The following TXNRD1 variants were observed in gnomAD, a reference collection of about 807,000 sequenced individuals.
TXNRD1 encodes the protein thioredoxin reductase 1.
Under a neutral mutation model 80.3 loss-of-function variants are expected in TXNRD1, and 57 were observed. That is an observed-to-expected ratio of 0.71 (90% confidence interval 0.57 to 0.89). TXNRD1 has a LOEUF of 0.89. TXNRD1 is among the 40% of genes least tolerant of loss of function. The probability of loss-of-function intolerance (pLI) is 0.00; values close to 1 mark genes in which losing one functional copy is unlikely to be tolerated. For synonymous variants in TXNRD1, 291 were observed against 285.2 expected, an observed-to-expected ratio of 1.02 and a Z score of -0.20; for missense variants, 730 against 803.0, an observed-to-expected ratio of 0.91 and a Z score of 1.10.
chr12:104,246,601 C>T (rs144511384), intron 1 of TXNRD1, among the ~76,000 whole-genome samples: 5,210 of 149,060 alleles, frequency 0.035, 164 homozygotes, highest in East Asian at 0.17. Flanking sequence ...CGGTTCACTG[C>T]AACCTCTGCC....
chr12:104,305,914 T>G (rs2034893981), intron 4 of TXNRD1, among the ~76,000 whole-genome samples: 2 of 152,174 alleles, frequency 1.3e-5, no homozygotes, highest in South Asian at 4.1e-4. Context: ...TATCTTTTTT[T>G]TTCCCCCTCG....
intron 1 of TXNRD1, among the ~76,000 whole-genome samples, chr12:104,234,639 A>G (rs796951157): frequency 0.016 from 36 of 2,198 alleles, no homozygotes; most frequent in Middle Eastern, 0.5. Context: ...AAAGTCAGGG[A>G]AAAAAAAAAA....
chr12:104,339,385 C>G, intron 16 of TXNRD1, 112 bp downstream of exon 16: 1 of 1,458,686 alleles, frequency 6.9e-7, no homozygotes, highest in East Asian at 2.3e-5. Flanking sequence ...GATGATTCCT[C>G]AAAAGAGGGC....
Position 104,315,904 on chromosome 12 carries a change from A to G in TXNRD1, c.730+8A>G, listed in dbSNP as rs1350152609. On this transcript the variant is annotated splice_region_variant and intron_variant, in intron 7 of 16. Coordinates refer to ENST00000525566, the MANE Select transcript of TXNRD1 (RefSeq NM_001093771.3). ...GGAAAGTCGAGGAGACAGGTATGAG[A>G]GGGAAAAGCTACTCTTCTGTTTGTG... The G allele has an allele frequency of 3.7e-6, 6 of 1,607,090 alleles. No individual in the cohort carries two copies. In the East Asian group the frequency reaches 9.0e-5, roughly 24 times the overall value.
chr12:104,348,277 G>A, intron 16 of TXNRD1, 76 bp from the exon 17 acceptor site: 10 of 1,345,780 alleles, frequency 7.4e-6, no homozygotes, highest in Non-Finnish European at 9.6e-6. Flanking sequence ...TAATGCATAT[G>A]GCATTATCTG....
intron 4 of TXNRD1, among the ~76,000 whole-genome samples, chr12:104,299,586 C>T (rs1326223874): frequency 6.6e-6 from 1 of 151,604 alleles, no homozygotes; most frequent in Non-Finnish European, 1.5e-5. Context: ...GGTCAACATG[C>T]TGAAACCCTG....
chr12:104,292,567 A>AT (rs1322498070), intron 4 of TXNRD1, among the ~76,000 whole-genome samples: 3 of 151,682 alleles, frequency 2.0e-5, no homozygotes, highest in South Asian at 2.1e-4. Context: ...CTAATTTTGT[A>AT]TTTTTTTAGT....
At chr12:104,275,559 T>G (rs2135729404) in intron 3 of TXNRD1, among the ~76,000 whole-genome samples, 1 of 152,054 alleles carries the variant, frequency 6.6e-6, no homozygotes, top group South Asian at 2.1e-4. Flanking sequence ...AATTTTGTAT[T>G]TTTAGTAGAG....
At chr12:104,264,047 C>G (rs2033423365) in intron 3 of TXNRD1, among the ~76,000 whole-genome samples, 1 of 152,174 alleles carries the variant, frequency 6.6e-6, no homozygotes. Flanking sequence ...ATAAAAACCC[C>G]TCACAAGCAG....
intron 1 of TXNRD1, among the ~76,000 whole-genome samples, chr12:104,246,783 A>G (rs1021909422): frequency 3.9e-5 from 6 of 152,136 alleles, no homozygotes; most frequent in African/African-American, 1.4e-4. Flanking sequence ...GGTCTCCCAA[A>G]GTGCTGGGAT....
At chr12:104,245,640 C>T (rs1277808375) in intron 1 of TXNRD1, among the ~76,000 whole-genome samples, 55 of 110,638 alleles carry the variant, frequency 5.0e-4, no homozygotes, top group Admixed American at 1.0e-3. Context: ...TGGAGCAAGA[C>T]CCTGTCTCAA....
intron 16 of TXNRD1, chr12:104,346,101 C>T: frequency 1.2e-6 from 1 of 812,982 alleles, no homozygotes; most frequent in Admixed American, 2.4e-5. Context: ...CAGCCTTGAC[C>T]TTTCAAGCTC....
chr12:104,287,468 A>G (rs2034013789), intron 3 of TXNRD1: 1 of 1,610,456 alleles, frequency 6.2e-7, no homozygotes, highest in Non-Finnish European at 8.5e-7. Flanking sequence ...GAGTCTTGAA[A>G]TGTAGATGAC....
At chr12:104,257,817 A>G (rs2135710829) in intron 2 of TXNRD1, among the ~76,000 whole-genome samples, 1 of 152,338 alleles carries the variant, frequency 6.6e-6, no homozygotes, top group Non-Finnish European at 1.5e-5. Flanking sequence ...TGACAATTGA[A>G]TAGAATCAAC....
At chr12:104,318,516 C>A (rs2035409389) in intron 7 of TXNRD1, among the ~76,000 whole-genome samples, 2 of 152,158 alleles carry the variant, frequency 1.3e-5, no homozygotes, top group Admixed American at 1.3e-4. Context: ...AGTTTGCCAG[C>A]CCCTGACATA....
chr12:104,335,656 C>T (rs2036113175), intron 15 of TXNRD1, among the ~76,000 whole-genome samples: 1 of 151,920 alleles, frequency 6.6e-6, no homozygotes, highest in African/African-American at 2.4e-5. Flanking sequence ...TATACACACA[C>T]TCTCTTTAAT....
chr12:104,222,909 T>C (rs1298492077), intron 1 of TXNRD1, among the ~76,000 whole-genome samples: 1 of 152,110 alleles, frequency 6.6e-6, no homozygotes, highest in Admixed American at 6.6e-5. Flanking sequence ...AATGTACGAG[T>C]TAACATGAAA....
intron 3 of TXNRD1, among the ~76,000 whole-genome samples, chr12:104,273,617 G>GA (rs2033699611): frequency 6.6e-6 from 1 of 151,692 alleles, no homozygotes; most frequent in Non-Finnish European, 1.5e-5. Context: ...ACAAACAACA[G>GA]AAAAAAACAA....
chr12:104,297,474 T>C (rs950469645), intron 4 of TXNRD1, among the ~76,000 whole-genome samples: 4 of 151,786 alleles, frequency 2.6e-5, no homozygotes, highest in Admixed American at 2.6e-4. Context: ...CAAGCAATTC[T>C]CCTGCCTCAG....
Sources: allele counts gnomAD v4.1 joint callset (sites outside exome capture counted in the v4.1 genomes callset), GRCh38; gene constraint gnomAD v4.1.1; transcripts MANE v1.5; gene names NCBI Gene and HGNC (gene_info 2026-07-23, HGNC 2026-07-21).